Variants in GPC5 observed in about 807,000 individuals in gnomAD.
The protein encoded by GPC5 is glypican-5.
Under a neutral mutation model 53.9 loss-of-function variants are expected in GPC5, and 47 were observed. The ratio of observed to expected loss-of-function variants is 0.87; its 90% CI spans 0.69 to 1.11. The LOEUF (loss-of-function observed/expected upper bound fraction) is 1.11. GPC5 is among the 50% of genes most tolerant of loss of function. The pLI, the probability that GPC5 is intolerant of heterozygous loss-of-function variation, is 0.00. For missense variants in GPC5, 748 were observed against 713.1 expected, an observed-to-expected ratio of 1.05 and a Z score of -0.56; for synonymous variants, 286 against 263.3, an observed-to-expected ratio of 1.09 and a Z score of -0.84.
intron 6 of GPC5, among the ~76,000 whole-genome samples, chr13:91,943,122 T>C (rs550418183): frequency 6.6e-6 from 1 of 152,250 alleles, no homozygotes; most frequent in African/African-American, 2.4e-5. Context: ...GTTGTAATAT[T>C]GAACTCAAGA....
At chr13:92,342,516 T>C (rs774457293) in intron 7 of GPC5, among the ~76,000 whole-genome samples, 1 of 152,120 alleles carries the variant, frequency 6.6e-6, no homozygotes, top group Non-Finnish European at 1.5e-5. Flanking sequence ...CTTGTGCACC[T>C]CTTCTTCCAT....
intron 2 of GPC5, among the ~76,000 whole-genome samples, chr13:91,541,099 G>T (rs1039418755): frequency 6.6e-6 from 1 of 152,196 alleles, no homozygotes; most frequent in South Asian, 2.1e-4. Context: ...AATTAAATCA[G>T]TGTTAAGTCA....
At chr13:92,484,873 T>A (rs899089314) in intron 7 of GPC5, among the ~76,000 whole-genome samples, 1 of 152,092 alleles carries the variant, frequency 6.6e-6, no homozygotes, top group Non-Finnish European at 1.5e-5. Flanking sequence ...TAGCTGGGAC[T>A]ATAGGTGCGT....
At chr13:92,564,912 G>A (rs1882817065) in intron 7 of GPC5, among the ~76,000 whole-genome samples, 1 of 151,944 alleles carries the variant, frequency 6.6e-6, no homozygotes, top group Non-Finnish European at 1.5e-5. Context: ...ATCCTAATCA[G>A]AAAATTTTAG....
chr13:91,571,866 TGTATATATA>T lies in GPC5; in HGVS notation c.326-121320_326-121312del, dbSNP rs1346326195. Among the ~76,000 whole-genome samples the T allele has an allele frequency of 3.1e-5, 4 of 128,410 alleles. 1 individual carries two copies. The highest frequency in any genetic ancestry group is 9.2e-5 in the African/African-American group (3 of 32,554). 84.2% of individuals were successfully genotyped at this position (128,410 alleles called of 152,430 possible). On this transcript the variant is annotated intron_variant, in intron 2 of 7. Coordinates refer to ENST00000377067, the MANE Select transcript of GPC5 (RefSeq NM_004466.6). ...GTGTGTATATACACATATACGTGTG[TGTATATATA>T]CACACATATACGTGTGTATATACAC...
chr13:91,939,947 C>T (rs2039909455), intron 6 of GPC5, among the ~76,000 whole-genome samples: 2 of 152,132 alleles, frequency 1.3e-5, no homozygotes, highest in Admixed American at 1.3e-4. Flanking sequence ...CTTTTGGGCC[C>T]TGTTTAGACC....
At chr13:91,695,189 A>G (rs1402143759) in intron 3 of GPC5, among the ~76,000 whole-genome samples, 1 of 152,044 alleles carries the variant, frequency 6.6e-6, no homozygotes, top group African/African-American at 2.4e-5. Flanking sequence ...TCTCAACTTG[A>G]TGTAATGGCC....
chr13:91,570,233 A>C (rs959290584), intron 2 of GPC5, among the ~76,000 whole-genome samples: 5 of 152,294 alleles, frequency 3.3e-5, no homozygotes, highest in Admixed American at 6.5e-5. Context: ...TGCATTTAAA[A>C]ATTTTCAGAC....
In GPC5 at chr13:91,398,723, A is replaced by G. The variant is rs1876666443; in HGVS notation, c.-324A>G. ...TGGCGGCAGCGGCAGCAGTTGCAGC[A>G]GTGGTGGCCAGAGCGGATGCTTGCG... On this transcript the variant is annotated 5_prime_UTR_variant, in exon 1 of 8. Coordinates refer to ENST00000377067, the MANE Select transcript of GPC5 (RefSeq NM_004466.6). 3.5e-6 allele frequency: 1 copy of G among 285,594 alleles called. No homozygotes were observed. 17.7% of individuals were successfully genotyped at this position (285,594 alleles called of 1,614,324 possible). A position where few individuals can be genotyped will look rare whatever the true frequency, so the allele number is the denominator to read the frequency against.
chr13:92,146,628 G>C (rs934625263), intron 7 of GPC5, among the ~76,000 whole-genome samples: 1 of 151,958 alleles, frequency 6.6e-6, no homozygotes, highest in African/African-American at 2.4e-5. Context: ...AGTATACATC[G>C]TACTCAATTT....
At chr13:92,204,183 G>C (rs1402060390) in intron 7 of GPC5, among the ~76,000 whole-genome samples, 1 of 152,136 alleles carries the variant, frequency 6.6e-6, no homozygotes, top group Admixed American at 6.5e-5. Flanking sequence ...AATGATCCTA[G>C]TGAGAGACAA....
intron 7 of GPC5, among the ~76,000 whole-genome samples, chr13:92,808,997 C>A (rs967479459): frequency 6.6e-6 from 1 of 152,078 alleles, no homozygotes; most frequent in African/African-American, 2.4e-5. Context: ...ATTATGATTA[C>A]ACATTAATAA....
intron 7 of GPC5, among the ~76,000 whole-genome samples, chr13:92,819,544 A>T (rs75397970): frequency 1.1e-4 from 16 of 152,330 alleles, no homozygotes; most frequent in African/African-American, 3.6e-4. Context: ...TTTCGGCTCT[A>T]ATAGTCTGTG....
intron 7 of GPC5, among the ~76,000 whole-genome samples, chr13:92,221,721 A>ATT (rs71120076): frequency 5.9e-5 from 9 of 151,544 alleles, no homozygotes; most frequent in African/African-American, 1.7e-4. Context: ...TGTTTTTCCT[A>ATT]TTTTTTTTCC....
intron 7 of GPC5, among the ~76,000 whole-genome samples, chr13:92,434,579 C>G (rs981967468): frequency 6.6e-6 from 1 of 152,064 alleles, no homozygotes; most frequent in Non-Finnish European, 1.5e-5. Flanking sequence ...CTCGTGATAT[C>G]AGGAAATAAT....
chr13:92,179,460 G>T (rs976040815), intron 7 of GPC5, among the ~76,000 whole-genome samples: 2 of 152,166 alleles, frequency 1.3e-5, no homozygotes, highest in African/African-American at 4.8e-5. Flanking sequence ...AGGTTCAACA[G>T]CTAGGCTCTG....
At chr13:92,643,848 G>A (rs1885674778) in intron 7 of GPC5, among the ~76,000 whole-genome samples, 1 of 140,324 alleles carries the variant, frequency 7.1e-6, no homozygotes, top group African/African-American at 2.5e-5. Context: ...TGCACAATGT[G>A]CACATGTACC....
At chr13:92,593,852 G>C (rs1305124102) in intron 7 of GPC5, among the ~76,000 whole-genome samples, 2 of 152,156 alleles carry the variant, frequency 1.3e-5, no homozygotes, top group African/African-American at 4.8e-5. Flanking sequence ...GGATTTGTAG[G>C]GATGAAAGTC....
At chr13:92,152,444 C>T (rs1045165495) in intron 7 of GPC5, among the ~76,000 whole-genome samples, 1 of 152,126 alleles carries the variant, frequency 6.6e-6, no homozygotes, top group African/African-American at 2.4e-5. Context: ...ACCCAACTCA[C>T]ACCTGTCCAT....
Sources: gnomAD v4.1 joint callset for allele counts (sites outside exome capture counted in the v4.1 genomes callset) on GRCh38, gnomAD v4.1.1 for gene constraint, MANE v1.5 for transcripts, NCBI Gene and HGNC (gene_info 2026-07-23, HGNC 2026-07-21) for gene names.